The following RSRC1 variants were observed in gnomAD, a reference collection of about 807,000 sequenced individuals.
RSRC1 encodes arginine and serine rich coiled-coil 1, also known as serine/Arginine-related protein 53.
A neutral mutation model predicts 49.1 loss-of-function variants in RSRC1; 39 were observed. That is an observed-to-expected ratio of 0.79 (90% confidence interval 0.61 to 1.04). The LOEUF (loss-of-function observed/expected upper bound fraction) is 1.04. Among genes scored for constraint, RSRC1 ranks in the 50% least tolerant of loss-of-function variants. RSRC1 has a pLI of 0.00. For missense variants in RSRC1, 388 were observed against 402.4 expected (o/e 0.96, Z 0.31); for synonymous variants, 143 against 130.8 (o/e 1.09, Z -0.63).
intron 9 of RSRC1, 41 bp downstream of exon 9, chr3:158,543,528 T>C (rs746776727): frequency 6.4e-7 from 1 of 1,559,758 alleles, no homozygotes; most frequent in Non-Finnish European, 8.7e-7. Flanking sequence ...TGAAGTCTAA[T>C]TTACTGAAAT....
intron 3 of RSRC1, among the ~76,000 whole-genome samples, chr3:158,199,041 C>A (rs1157919043): frequency 3.3e-5 from 5 of 152,050 alleles, no homozygotes; most frequent in Admixed American, 6.6e-5. Context: ...GGGAGGGACC[C>A]CATGGGAGAT....
At chr3:158,385,070 C>T (rs1239710419) in intron 6 of RSRC1, among the ~76,000 whole-genome samples, 2 of 152,050 alleles carry the variant, frequency 1.3e-5, no homozygotes, top group Non-Finnish European at 1.5e-5. Flanking sequence ...ATGAAATTTG[C>T]TTTTTCTTTA....
Position 158,538,534 on chromosome 3 carries a change from C to A in RSRC1, c.759+1336C>A, listed in dbSNP as rs948015020. Among the ~76,000 whole-genome samples the A allele has an allele frequency of 1.3e-5, 2 of 151,984 alleles. 1 individual carries two copies. ...TTGTTTGTGAAGTTTACCCTGACAT[C>A]CCAGTTTTTATTGGACTCTCTTATG... On this transcript the variant is annotated intron_variant, in intron 8 of 9. Coordinates refer to ENST00000611884, the MANE Select transcript of RSRC1 (RefSeq NM_001271838.2).
chr3:158,198,434 A>T (rs36198532), intron 3 of RSRC1, among the ~76,000 whole-genome samples: 11,684 of 151,672 alleles, frequency 0.077, 545 homozygotes, highest in South Asian at 0.13. Context: ...ATGGGTCTGG[A>T]CTCTACCCAC....
intron 4 of RSRC1, among the ~76,000 whole-genome samples, chr3:158,238,495 C>T (rs1723369115): frequency 6.6e-6 from 1 of 152,158 alleles, no homozygotes; most frequent in Non-Finnish European, 1.5e-5. Context: ...ACCAAAACAG[C>T]ATGGTACTGG....
chr3:158,213,270 G>A (rs894230716), intron 4 of RSRC1, among the ~76,000 whole-genome samples: 18 of 151,884 alleles, frequency 1.2e-4, no homozygotes, highest in Non-Finnish European at 1.5e-5. Context: ...TAGTTATGGG[G>A]TGTACTTTTC....
intron 7 of RSRC1, among the ~76,000 whole-genome samples, chr3:158,517,257 A>C (rs1395632051): frequency 6.6e-6 from 1 of 152,186 alleles, no homozygotes; most frequent in Non-Finnish European, 1.5e-5. Flanking sequence ...TGTACCTAAC[A>C]AATTATCTGT....
At chr3:158,441,716 G>A (rs556133100) in intron 6 of RSRC1, among the ~76,000 whole-genome samples, 21 of 152,240 alleles carry the variant, frequency 1.4e-4, no homozygotes, top group African/African-American at 5.1e-4. Context: ...TATAACTTGT[G>A]TGCATCTGAT....
intron 6 of RSRC1, among the ~76,000 whole-genome samples, chr3:158,393,284 G>A (rs1200894865): frequency 1.3e-5 from 2 of 151,690 alleles, no homozygotes; most frequent in East Asian, 1.9e-4. Context: ...GAATCAATCC[G>A]AAAGCTAGTA....
intron 4 of RSRC1, among the ~76,000 whole-genome samples, chr3:158,285,370 A>G (rs1227935169): frequency 2.6e-5 from 4 of 152,260 alleles, no homozygotes; most frequent in Admixed American, 6.5e-5. Flanking sequence ...TTGACTTGGC[A>G]ATGCGGGCTC....
At chr3:158,423,486 A>G (rs9681398) in intron 6 of RSRC1, among the ~76,000 whole-genome samples, 78,386 of 151,810 alleles carry the variant, frequency 0.52, 20,659 homozygotes, top group South Asian at 0.6. Flanking sequence ...GTAGCCTTGT[A>G]GTATAGTTTG....
At chr3:158,320,101 T>C (rs573223274) in intron 5 of RSRC1, among the ~76,000 whole-genome samples, 5 of 152,282 alleles carry the variant, frequency 3.3e-5, no homozygotes, top group African/African-American at 1.2e-4. Context: ...AACACTAAGA[T>C]TGTTGAAGTT....
chr3:158,181,033 T>A (rs1578171245), intron 3 of RSRC1, among the ~76,000 whole-genome samples: 3 of 150,630 alleles, frequency 2.0e-5, no homozygotes, highest in Non-Finnish European at 3.0e-5. Flanking sequence ...CTCAAACTAC[T>A]GACCTTGTGA....
chr3:158,203,713 C>CTT lies in RSRC1; in HGVS notation c.494+473_494+474dup, dbSNP rs1446181821. ...CCATGTGATTTACTATTGTTTAAGCCTTTTTTAGTATAGAATGGGAGCTTG... is the reference window on the plus strand; with the variant it reads ...CCATGTGATTTACTATTGTTTAAGCCTTTTTTTTAGTATAGAATGGGAGCTTG... On this transcript the variant is annotated intron_variant, in intron 4 of 9. Transcript: ENST00000611884. Among the ~76,000 whole-genome samples, 5 of 152,090 alleles carry CTT rather than the reference C, an allele frequency of 3.3e-5. No homozygotes were observed. In the South Asian group the frequency reaches 1.0e-3, roughly 32 times the overall value.
At chr3:158,256,178 G>T (rs1442299259) in intron 4 of RSRC1, among the ~76,000 whole-genome samples, 1 of 152,154 alleles carries the variant, frequency 6.6e-6, no homozygotes, top group African/African-American at 2.4e-5. Flanking sequence ...TGCCCATTCA[G>T]TATGATATTG....
At chr3:158,111,264 A>T (rs1399404745) in intron 1 of RSRC1, among the ~76,000 whole-genome samples, 1 of 152,234 alleles carries the variant, frequency 6.6e-6, no homozygotes, top group Non-Finnish European at 1.5e-5. Context: ...CTTTCTTTGC[A>T]GGCAAAGATT....
chr3:158,432,033 A>C (rs979168068), intron 6 of RSRC1, among the ~76,000 whole-genome samples: 14 of 151,968 alleles, frequency 9.2e-5, no homozygotes, highest in African/African-American at 3.1e-4. Flanking sequence ...AGTGCTGGTG[A>C]GTTGGCTAGA....
chr3:158,231,112 G>T (rs1262699467), intron 4 of RSRC1, among the ~76,000 whole-genome samples: 1 of 27,558 alleles, frequency 3.6e-5, no homozygotes, highest in Non-Finnish European at 8.3e-5. Flanking sequence ...GGCTGTAGTA[G>T]AGATGAAGAA....
At chr3:158,393,733 G>A (rs375329167) in intron 6 of RSRC1, among the ~76,000 whole-genome samples, 3 of 152,102 alleles carry the variant, frequency 2.0e-5, no homozygotes, top group South Asian at 2.1e-4. Flanking sequence ...TCTACCAGAT[G>A]TATAAAGAAG....
Sources: gnomAD v4.1 joint callset for allele counts (sites outside exome capture counted in the v4.1 genomes callset) on GRCh38, gnomAD v4.1.1 for gene constraint, MANE v1.5 for transcripts, NCBI Gene and HGNC (gene_info 2026-07-23, HGNC 2026-07-21) for gene names.